The following TIA1 variants were observed in gnomAD, a reference collection of about 807,000 sequenced individuals.
The protein encoded by TIA1 is cytotoxic granule associated RNA binding protein TIA1.
TIA1 carries 23 observed loss-of-function variants against 65.9 expected under a neutral mutation model. The observed-to-expected ratio is 0.35, with a 90% CI of 0.25 to 0.49. The LOEUF (loss-of-function observed/expected upper bound fraction) is 0.49. Ranked by LOEUF, TIA1 falls within the 20% of genes least tolerant of loss-of-function variation. TIA1 has a pLI of 0.98. For synonymous variants in TIA1, 147 were observed against 149.4 expected (o/e 0.98, Z 0.12); for missense variants, 371 against 477.9 (o/e 0.78, Z 2.09).
chr2:70,228,886 G>T, intron 5 of TIA1, 173 bp downstream of exon 5: 3 of 1,447,408 alleles, frequency 2.1e-6, no homozygotes, highest in Non-Finnish European at 2.7e-6. Context: ...CCAAAGTAGC[G>T]GACAAGTTAT....
At chr2:70,228,637 A>G in intron 5 of TIA1, 9 of 985,494 alleles carry the variant, frequency 9.1e-6, no homozygotes, top group Non-Finnish European at 1.1e-5. Flanking sequence ...ATGGACACAT[A>G]CATCAATTTG....
chr2:70,224,016 C>T (rs1209273567), intron 7 of TIA1, among the ~76,000 whole-genome samples: 1 of 152,086 alleles, frequency 6.6e-6, no homozygotes, highest in Non-Finnish European at 1.5e-5. Context: ...CTCCTGGGTT[C>T]AAGTGATCCT....
At chr2:70,227,695 T>C in intron 6 of TIA1, 40 bp downstream of exon 6, 2 of 1,347,438 alleles carry the variant, frequency 1.5e-6, no homozygotes, top group Non-Finnish European at 2.1e-6. Context: ...CATATAATTG[T>C]TTCTAATTAA....
chr2:70,240,809 T>C (rs1056578942), intron 1 of TIA1, among the ~76,000 whole-genome samples: 31 of 152,052 alleles, frequency 2.0e-4, no homozygotes, highest in African/African-American at 7.2e-4. Context: ...GAGGTGGACA[T>C]TGCAGTGAGC....
rs765028674 is a variant in TIA1, at chr2:70,215,489, T to A, written c.770A>T (p.Asn257Ile). The stretch of plus-strand genomic sequence containing the variant: ...TGCATGTGCTGCACTTTCATGGGAA[T>A]TGAACCTATTGAAAACAATATTAAG... The part of the protein sequence containing the change: ...PDKGYSFVRF[N>I]SHESAAHAIV... Residue 257 changes from asparagine to isoleucine, a missense_variant, in exon 11 of 13, where the codon AAT becomes ATT. Asn to Ile is a moderately radical substitution (Grantham distance 149). Transcript: ENST00000433529. 162 of 1,609,988 alleles carry A rather than the reference T, an allele frequency of 1.0e-4. No individual in the cohort carries two copies. Among genetic ancestry groups the A allele is most frequent in the Non-Finnish European group, 1.3e-4 (157 of 1,177,918 alleles).
intron 7 of TIA1, among the ~76,000 whole-genome samples, chr2:70,218,793 AAG>A (rs2104023642): frequency 6.6e-6 from 1 of 152,358 alleles, no homozygotes; most frequent in African/African-American, 2.4e-5. Context: ...TAAGGGGATA[AAG>A]ATACTTTATG....
In TIA1 at chr2:70,212,561, GGAT is replaced by G. The variant is rs754102968; in HGVS notation, c.*155_*157del. On this transcript the variant is annotated 3_prime_UTR_variant, in exon 13 of 13. Transcript: ENST00000433529. ...ATCTTGTTTCTTTTTAAAACAATGT[GGAT>G]GATAAGTAATTTCATGATTAAAAAT... 171 of 533,754 alleles carry G rather than the reference GGAT, an allele frequency of 3.2e-4. No individual in the cohort carries two copies. Among genetic ancestry groups the G allele is most frequent in the Middle Eastern group, 1.1e-3 (2 of 1,742 alleles). 33.1% of individuals were successfully genotyped at this position (533,754 alleles called of 1,614,324 possible). A position where few individuals can be genotyped will look rare whatever the true frequency, so the allele number is the denominator to read the frequency against.
intron 6 of TIA1, among the ~76,000 whole-genome samples, chr2:70,225,862 A>G (rs1284519842): frequency 6.6e-6 from 1 of 152,180 alleles, no homozygotes; most frequent in East Asian, 1.9e-4. Context: ...TAGGCTGTAT[A>G]TAAGGGAAAA....
In TIA1 at chr2:70,212,593, T is replaced by A; in HGVS notation, c.*126A>T. The stretch of plus-strand genomic sequence containing the variant: ...AAGTAATTTCATGATTAAAAATGAA[T>A]CTTTTAAATAAATACATTGTATCTG... On this transcript the variant is annotated 3_prime_UTR_variant, in exon 13 of 13. Coordinates refer to ENST00000433529, the MANE Select transcript of TIA1 (RefSeq NM_022173.4). The A allele has an allele frequency of 1.7e-6, 1 of 573,508 alleles. No individual in the cohort carries two copies. The highest frequency in any genetic ancestry group is 3.2e-6 in the Non-Finnish European group (1 of 316,140). 35.5% of individuals were successfully genotyped at this position (573,508 alleles called of 1,614,324 possible).
upstream of TIA1, chr2:70,248,673 C>T: frequency 3.4e-6 from 2 of 592,916 alleles, no homozygotes; most frequent in South Asian, 4.1e-5. Context: ...CCGGGCCGCG[C>T]AGGCGCAGAA....
At chr2:70,246,973 C>T (rs1694659782) in intron 1 of TIA1, among the ~76,000 whole-genome samples, 1 of 152,138 alleles carries the variant, frequency 6.6e-6, no homozygotes, top group South Asian at 2.1e-4. Flanking sequence ...TAAAATTAAA[C>T]ATTTTCAAAC....
intron 6 of TIA1, 49 bp downstream of exon 6, chr2:70,227,686 A>C: frequency 1.6e-6 from 2 of 1,242,990 alleles, no homozygotes; most frequent in Admixed American, 4.0e-5. Flanking sequence ...TTATGTCTAC[A>C]TATAATTGTT....
At chr2:70,231,804 A>T (rs547264792) in intron 2 of TIA1, among the ~76,000 whole-genome samples, 5 of 152,358 alleles carry the variant, frequency 3.3e-5, no homozygotes, top group Admixed American at 2.6e-4. Context: ...ATAGGTAAAT[A>T]GGCTCTGAAA....
At position 70,241,393 on chromosome 2, in the gene TIA1, G is replaced by C. The variant is rs191268671; in HGVS notation, c.27-5218C>G. Among the ~76,000 whole-genome samples the C allele has an allele frequency of 9.2e-4, 139 of 151,852 alleles. 2 individuals are homozygous for C. In the East Asian group the frequency reaches 0.025, roughly 28 times the overall value. ...GGAGGCAGAGGTTGCAGTGAGCCGA[G>C]ATCATGCCACTGTACTCCAGCCTGG... On this transcript the variant is annotated intron_variant, in intron 1 of 12. Transcript: ENST00000433529.
chr2:70,238,333 C>T (rs1227992591), intron 1 of TIA1, among the ~76,000 whole-genome samples: 3 of 114,084 alleles, frequency 2.6e-5, no homozygotes, highest in Admixed American at 2.4e-4. Flanking sequence ...TGCAGTGGTG[C>T]GATCTCGGCT....
intron 1 of TIA1, among the ~76,000 whole-genome samples, chr2:70,243,650 G>A (rs1232064474): frequency 1.3e-5 from 2 of 152,020 alleles, no homozygotes; most frequent in African/African-American, 4.8e-5. Context: ...ACATCTTAAG[G>A]GATATCGATC....
chr2:70,238,259 A>ATTTTTT (rs1689962625), intron 1 of TIA1, among the ~76,000 whole-genome samples: 1 of 128,644 alleles, frequency 7.8e-6, no homozygotes, highest in East Asian at 2.6e-4. Flanking sequence ...CGTTCCCCCA[A>ATTTTTT]GTTTTTTTTT....
At position 70,234,300 on chromosome 2, in the gene TIA1, A is replaced by G. The variant is rs1046701583; in HGVS notation, c.123+1779T>C. Among the ~76,000 whole-genome samples the G allele has an allele frequency of 3.9e-5, 6 of 152,216 alleles. No homozygotes were observed. In the South Asian group the frequency reaches 1.0e-3, roughly 26 times the overall value. On this transcript the variant is annotated intron_variant, in intron 2 of 12. Transcript: ENST00000433529. ...CAGCAAATTTTCCATAAATGCTACC[A>G]TTGGGATAAGTAAGGAGATCTAGAT...
chr2:70,228,381 G>A, intron 5 of TIA1: 2 of 1,288,194 alleles, frequency 1.6e-6, no homozygotes, highest in Non-Finnish European at 2.0e-6. Flanking sequence ...GTATTTGACA[G>A]TTTTCTCAAA....
Sources: allele counts gnomAD v4.1 joint callset (sites outside exome capture counted in the v4.1 genomes callset), GRCh38; gene constraint gnomAD v4.1.1; transcripts MANE v1.5; gene names NCBI Gene and HGNC (gene_info 2026-07-23, HGNC 2026-07-21).